The following NXPE4 variants were observed in gnomAD, a reference collection of about 807,000 sequenced individuals.
NXPE4 encodes the protein neurexophilin and PC-esterase domain family member 4, also known as NXPE family member 4.
In NXPE4, 42 loss-of-function variants were observed where a neutral mutation model predicts 33.3. The ratio of observed to expected loss-of-function variants is 1.26; its 90% CI spans 0.98 to 1.63. NXPE4 has a LOEUF of 1.63. Among genes scored for constraint, NXPE4 ranks in the 40% most tolerant of loss-of-function variants. NXPE4 has a pLI of 0.00. For synonymous variants in NXPE4, 253 were observed against 234.9 expected (o/e 1.08, Z -0.71); for missense variants, 709 against 647.6 (o/e 1.09, Z -1.03).
the NXPE4 span, among the ~76,000 whole-genome samples, chr11:114,607,546 TAAG>T: frequency 1.3e-5 from 2 of 152,058 alleles, no homozygotes; most frequent in Non-Finnish European, 1.5e-5. Flanking sequence ...CGGTAGATAA[TAAG>T]TATTGCCTCG....
chr11:114,583,969 CA>C (rs1175508234), intron 2 of NXPE4: 3 of 374,768 alleles, frequency 8.0e-6, no homozygotes, highest in Non-Finnish European at 1.6e-5. Context: ...CCTATGAGGC[CA>C]TTTTCAAACT....
the NXPE4 span, among the ~76,000 whole-genome samples, chr11:114,625,921 A>T: frequency 6.6e-6 from 1 of 152,302 alleles, no homozygotes; most frequent in South Asian, 2.1e-4. Context: ...GACAGACGGC[A>T]CCTGGAAAAT....
chr11:114,645,717 A>G, the NXPE4 span, among the ~76,000 whole-genome samples: 1 of 152,176 alleles, frequency 6.6e-6, no homozygotes, highest in South Asian at 2.1e-4. Context: ...ACATGAATAA[A>G]GAATTCATAT....
the NXPE4 span, among the ~76,000 whole-genome samples, chr11:114,643,071 T>C: frequency 6.6e-6 from 1 of 152,150 alleles, no homozygotes; most frequent in Non-Finnish European, 1.5e-5. Flanking sequence ...TTGAGAAGTG[T>C]CCATTCATAT....
At chr11:114,638,357 C>A in the NXPE4 span, among the ~76,000 whole-genome samples, 5 of 152,020 alleles carry the variant, frequency 3.3e-5, no homozygotes, top group African/African-American at 1.2e-4. Flanking sequence ...TTCTAGTTAT[C>A]CATTCGTCTA....
the NXPE4 span, among the ~76,000 whole-genome samples, chr11:114,602,925 AAT>A: frequency 6.7e-6 from 1 of 149,298 alleles, no homozygotes; most frequent in South Asian, 2.1e-4. Flanking sequence ...ATAATAATCT[AAT>A]ATATAATTAC....
rs1475509816 is a variant in NXPE4, at chr11:114,594,742, TATC to T, written c.15_17del (p.Met5del). On this transcript the variant is annotated inframe_deletion, in exon 2 of 6. Coordinates refer to ENST00000375478, the MANE Select transcript of NXPE4 (RefSeq NM_001077639.2). ...ACAGTGCCAATAGTGACTTATAATT[TATC>T]ATACTTATTTTCATGATTAGGATCC... is the stretch of plus-strand genomic sequence containing the variant. 6.4e-7 allele frequency: 1 copy of T among 1,558,206 alleles called. No individual in the cohort carries two copies. The highest frequency in any genetic ancestry group is 8.8e-7 in the Non-Finnish European group (1 of 1,135,038).
At chr11:114,622,406 G>A in the NXPE4 span, among the ~76,000 whole-genome samples, 1 of 151,076 alleles carries the variant, frequency 6.6e-6, no homozygotes, top group South Asian at 2.1e-4. Flanking sequence ...GGTAACCACT[G>A]TTACCCGGTG....
the NXPE4 span, among the ~76,000 whole-genome samples, chr11:114,633,482 C>G: frequency 2.0e-5 from 3 of 148,870 alleles, no homozygotes; most frequent in Non-Finnish European, 4.4e-5. Flanking sequence ...TATTATTATA[C>G]TTCAAGTTTT....
the NXPE4 span, among the ~76,000 whole-genome samples, chr11:114,637,040 T>C: frequency 6.6e-6 from 1 of 152,070 alleles, no homozygotes; most frequent in Non-Finnish European, 1.5e-5. Flanking sequence ...GTCTCATTGA[T>C]CTGTCTAATG....
intron 5 of NXPE4, among the ~76,000 whole-genome samples, chr11:114,573,784 A>G (rs1452547546): frequency 2.0e-5 from 3 of 152,146 alleles, no homozygotes; most frequent in African/African-American, 7.2e-5. Flanking sequence ...CACTCCACTG[A>G]CAGCGCTAGA....
At chr11:114,656,419 GA>G in the NXPE4 span, among the ~76,000 whole-genome samples, 1 of 152,160 alleles carries the variant, frequency 6.6e-6, no homozygotes, top group South Asian at 2.1e-4. Context: ...CACAGAATTA[GA>G]AAAAACTATT....
At position 114,580,226 on chromosome 11, in the gene NXPE4, G is replaced by T; in HGVS notation, c.1005C>A (p.Val335=). The stretch of plus-strand genomic sequence containing the variant: ...TTCCTCTCAGGCATTCCTTCATTTT[G>T]ACTGTAGCCAAACTACAGGAGACAG... ...WNPVSCSLAT[V]KMKECLRGKL... is the part of the protein sequence containing the mutation. Residue 335 remains valine (V), a synonymous_variant, in exon 5 of 6, where the codon GTC becomes GTA. Transcript: ENST00000375478. The T allele has an allele frequency of 6.2e-7, 1 of 1,613,806 alleles. No homozygotes were observed. The highest frequency in any genetic ancestry group is 1.1e-5 in the South Asian group (1 of 91,050).
chr11:114,613,642 G>T, the NXPE4 span, among the ~76,000 whole-genome samples: 1 of 151,432 alleles, frequency 6.6e-6, no homozygotes, highest in African/African-American at 2.4e-5. Flanking sequence ...GATAACAAGT[G>T]TTGCCTTTGG....
At chr11:114,600,166 T>C (rs1332597878), upstream of NXPE4, among the ~76,000 whole-genome samples, 1 of 152,190 alleles carries the variant, frequency 6.6e-6, no homozygotes, top group Non-Finnish European at 1.5e-5. Flanking sequence ...AATATATTTA[T>C]AATTTCAAAG....
intron 2 of NXPE4, chr11:114,583,265 C>A (rs1241044268): frequency 1.8e-5 from 12 of 654,580 alleles, no homozygotes; most frequent in African/African-American, 9.1e-5. Flanking sequence ...GGCGCAAAGG[C>A]AGGGCACCAG....
the NXPE4 span, among the ~76,000 whole-genome samples, chr11:114,602,644 ATAAT>A: frequency 1.4e-5 from 2 of 141,796 alleles, no homozygotes; most frequent in African/African-American, 5.1e-5. Context: ...TTCATATATA[ATAAT>A]TTTCTCATAT....
the NXPE4 span, among the ~76,000 whole-genome samples, chr11:114,622,778 C>A: frequency 6.6e-6 from 1 of 152,098 alleles, no homozygotes; most frequent in Admixed American, 6.6e-5. Context: ...TGGGTAATCA[C>A]TGCTGCCTTG....
chr11:114,627,474 G>A, the NXPE4 span, among the ~76,000 whole-genome samples: 1 of 151,056 alleles, frequency 6.6e-6, no homozygotes, highest in African/African-American at 2.4e-5. Context: ...AATGCTGAGA[G>A]ATTTTGTCAC....
Sources: gnomAD v4.1 joint callset for allele counts (sites outside exome capture counted in the v4.1 genomes callset) on GRCh38, gnomAD v4.1.1 for gene constraint, MANE v1.5 for transcripts, NCBI Gene and HGNC (gene_info 2026-07-23, HGNC 2026-07-21) for gene names.